CNTNAP2: variants seen among roughly 807,000 people sequenced by gnomAD.
CNTNAP2 encodes contactin-associated protein-like 2.
CNTNAP2 carries 98 observed loss-of-function variants against 155.2 expected under a neutral mutation model. That is an observed-to-expected ratio of 0.63 (90% CI 0.54 to 0.75). CNTNAP2 has a LOEUF of 0.75. Ranked by LOEUF, CNTNAP2 falls within the 30% of genes least tolerant of loss-of-function variation. The pLI is 0.00. For missense variants in CNTNAP2, 1,727 were observed against 1,688.1 expected, an observed-to-expected ratio of 1.02 and a Z score of -0.40; for synonymous variants, 651 against 631.2, an observed-to-expected ratio of 1.03 and a Z score of -0.47.
intron 12 of CNTNAP2, among the ~76,000 whole-genome samples, chr7:147,605,995 T>C (rs1412307956): frequency 6.6e-6 from 1 of 151,846 alleles, no homozygotes; most frequent in South Asian, 2.1e-4. Flanking sequence ...CCCATAATAG[T>C]GAGTAGCAAG....
intron 1 of CNTNAP2, among the ~76,000 whole-genome samples, chr7:146,521,019 T>G (rs1797610039): frequency 6.6e-6 from 1 of 151,902 alleles, no homozygotes; most frequent in Non-Finnish European, 1.5e-5. Flanking sequence ...ACCCTTCATC[T>G]CTTCTTAGTA....
At chr7:148,171,623 A>G (rs1426772718) in intron 17 of CNTNAP2, among the ~76,000 whole-genome samples, 2 of 152,222 alleles carry the variant, frequency 1.3e-5, no homozygotes, top group Non-Finnish European at 2.9e-5. Flanking sequence ...CATTTAGACA[A>G]AAGCAATGAA....
At chr7:146,228,606 A>G (rs975438086) in intron 1 of CNTNAP2, among the ~76,000 whole-genome samples, 2 of 152,228 alleles carry the variant, frequency 1.3e-5, no homozygotes, top group Non-Finnish European at 2.9e-5. Flanking sequence ...AAATCTATTC[A>G]GAATGAGTAC....
At chr7:147,404,692 T>C (rs775865082) in intron 10 of CNTNAP2, among the ~76,000 whole-genome samples, 5 of 152,204 alleles carry the variant, frequency 3.3e-5, no homozygotes, top group Non-Finnish European at 7.4e-5. Context: ...GATCTTTAGC[T>C]TCCTTTGGTT....
chr7:147,101,351 T>G (rs6942437), intron 4 of CNTNAP2, among the ~76,000 whole-genome samples: 19,773 of 152,150 alleles, frequency 0.13, 3,298 homozygotes, highest in African/African-American at 0.39. Flanking sequence ...TGGCTCCATT[T>G]CTCGCTCAAG....
chr7:147,212,226 ACAAT>A (rs576772357), intron 8 of CNTNAP2, among the ~76,000 whole-genome samples: 140 of 152,280 alleles, frequency 9.2e-4, no homozygotes, highest in Non-Finnish European at 1.7e-3. Flanking sequence ...ATCCAGCACA[ACAAT>A]CCCATTACTG....
chr7:148,054,967 C>G (rs1237454391), intron 15 of CNTNAP2, among the ~76,000 whole-genome samples: 1 of 151,156 alleles, frequency 6.6e-6, no homozygotes, highest in African/African-American at 2.4e-5. Flanking sequence ...ACTGCAACCT[C>G]TTCCTCCCTG....
At chr7:148,202,399 A>G (rs1226468321) in intron 18 of CNTNAP2, among the ~76,000 whole-genome samples, 1 of 152,222 alleles carries the variant, frequency 6.6e-6, no homozygotes, top group Non-Finnish European at 1.5e-5. Flanking sequence ...TGAAAATCAC[A>G]CACACGCATT....
rs745745585 is a variant in CNTNAP2 at position 147,153,082 on chromosome 7, G to A, written c.1348+20573G>A. ...AAATCATAAAGATAGGTATGCTACC[G>A]TCTCCTCTGTTAAAAAAAAAATTAG... On this transcript the variant is annotated intron_variant, in intron 8 of 23. Transcript: ENST00000361727. 9.2e-5 allele frequency among the ~76,000 whole-genome samples: 14 copies of A among 151,734 alleles called. No individual in the cohort carries two copies. The East Asian group carries it at 9.6e-4, about 10-fold the overall frequency.
At position 148,030,669 on chromosome 7, in the gene CNTNAP2, CTTTT is replaced by C. The variant is rs34338936; in HGVS notation, c.2383+52694_2383+52697del. On this transcript the variant is annotated intron_variant, in intron 15 of 23. Transcript: ENST00000361727. ...TGGTAGTAATTTTCTTTATCCAGCT[CTTTT>C]TTTTTTTTTTTTTGGCAGGTGGTAA... Among the ~76,000 whole-genome samples, 220 of 129,514 alleles carry C rather than the reference CTTTT, an allele frequency of 1.7e-3. 1 individual carries two copies. The highest frequency in any genetic ancestry group is 9.4e-3 in the Middle Eastern group (2 of 212). 85.0% of individuals were successfully genotyped at this position (129,514 alleles called of 152,430 possible). A position where few individuals can be genotyped will look rare whatever the true frequency, so the allele number is the denominator to read the frequency against.
chr7:147,840,333 C>A (rs138107672), intron 13 of CNTNAP2, among the ~76,000 whole-genome samples: 1 of 152,006 alleles, frequency 6.6e-6, no homozygotes, highest in Non-Finnish European at 1.5e-5. Context: ...TTTTAAAAAA[C>A]GAAAACAAAA....
chr7:147,487,086 G>T (rs965793593), intron 11 of CNTNAP2, among the ~76,000 whole-genome samples: 1 of 152,164 alleles, frequency 6.6e-6, no homozygotes, highest in Non-Finnish European at 1.5e-5. Flanking sequence ...CAGTAAAAAT[G>T]TCATACAGCT....
intron 13 of CNTNAP2, among the ~76,000 whole-genome samples, chr7:147,647,144 C>T (rs59629148): frequency 0.29 from 44,068 of 151,424 alleles, 6,692 homozygotes; most frequent in Middle Eastern, 0.34. Context: ...CATGCTGCCA[C>T]GCCCAGCTAA....
chr7:147,276,830 CA>C (rs71182189), intron 8 of CNTNAP2, among the ~76,000 whole-genome samples: 5,229 of 145,268 alleles, frequency 0.036, 124 homozygotes, highest in Non-Finnish European at 0.053. Flanking sequence ...GTTCAATTGA[CA>C]AAAAAAAAAC....
intron 12 of CNTNAP2, among the ~76,000 whole-genome samples, chr7:147,579,472 TAC>T (rs1040807031): frequency 6.6e-6 from 1 of 152,284 alleles, no homozygotes; most frequent in Admixed American, 6.5e-5. Context: ...ATGCCAGTGA[TAC>T]AGTTGTTGCT....
chr7:146,651,676 AAAC>A (rs1161416325), intron 1 of CNTNAP2, among the ~76,000 whole-genome samples: 1 of 152,154 alleles, frequency 6.6e-6, no homozygotes, highest in Non-Finnish European at 1.5e-5. Context: ...TCCTGAGTGG[AAAC>A]AACATTATGA....
At chr7:147,967,725 C>T (rs6947595) in intron 14 of CNTNAP2, among the ~76,000 whole-genome samples, 17,192 of 152,176 alleles carry the variant, frequency 0.11, 1,392 homozygotes, top group African/African-American at 0.23. Flanking sequence ...CACTGCATAT[C>T]TACGTGAAGA....
In CNTNAP2 at chr7:147,360,215, T is replaced by C. The variant is rs542141405; in HGVS notation, c.1499-35394T>C. 4.3e-4 allele frequency among the ~76,000 whole-genome samples: 66 copies of C among 152,324 alleles called. 1 individual carries two copies. Among genetic ancestry groups the C allele is most frequent in the African/African-American group, 1.3e-3 (56 of 41,580 alleles). ...TCAGTTACTGTTTTCATAAACTTTA[T>C]TTATAACCCCTTAGCTTTCATCCTG... On this transcript the variant is annotated intron_variant, in intron 9 of 23. Transcript: ENST00000361727.
At chr7:147,327,693 A>AT (rs1795485725) in intron 9 of CNTNAP2, among the ~76,000 whole-genome samples, 2 of 152,200 alleles carry the variant, frequency 1.3e-5, no homozygotes, top group Non-Finnish European at 2.9e-5. Flanking sequence ...TTATAAGAAC[A>AT]AGAGACTTAC....
Sources: gnomAD v4.1 joint callset for allele counts (sites outside exome capture counted in the v4.1 genomes callset) on GRCh38, gnomAD v4.1.1 for gene constraint, MANE v1.5 for transcripts, NCBI Gene and HGNC (gene_info 2026-07-23, HGNC 2026-07-21) for gene names.